Variants in STK32B observed in about 807,000 individuals in gnomAD.
The protein encoded by STK32B is serine/threonine kinase 32B.
STK32B carries 43 observed loss-of-function variants against 52.6 expected under a neutral mutation model. The ratio of observed to expected loss-of-function variants is 0.82; its 90% CI spans 0.64 to 1.05. The LOEUF is 1.05. Ranked by LOEUF, STK32B falls within the 50% of genes least tolerant of loss-of-function variation. The probability of loss-of-function intolerance (pLI) is 0.00; values close to 1 mark genes in which losing one functional copy is unlikely to be tolerated. For synonymous variants in STK32B, 238 were observed against 204.3 expected, an observed-to-expected ratio of 1.17 and a Z score of -1.41; for missense variants, 621 against 534.6, an observed-to-expected ratio of 1.16 and a Z score of -1.59.
chr4:5,452,443 A>G (rs1406858220), intron 7 of STK32B, among the ~76,000 whole-genome samples: 1 of 152,114 alleles, frequency 6.6e-6, no homozygotes, highest in African/African-American at 2.4e-5. Context: ...CTGGGAGGTA[A>G]TGGAGTCTGT....
chr4:5,170,983 T>C (rs1179736141), intron 3 of STK32B, among the ~76,000 whole-genome samples: 1 of 152,230 alleles, frequency 6.6e-6, no homozygotes, highest in African/African-American at 2.4e-5. Flanking sequence ...TTCCTGACTT[T>C]TTAATGATCT....
In STK32B at chr4:5,058,231, T is replaced by G. The variant is rs1742083764; in HGVS notation, c.52+6316T>G. Among the ~76,000 whole-genome samples, 1 of 152,244 alleles carries G rather than the reference T, an allele frequency of 6.6e-6. No homozygotes were observed. Among genetic ancestry groups the G allele is most frequent in the Admixed American group, 6.5e-5 (1 of 15,290 alleles). ...TTTCAACGTGGGAACATTATCACTG[T>G]TCACCAACATCCTGTTCCCCTTTAC... is the stretch of plus-strand genomic sequence containing the variant. On this transcript the variant is annotated intron_variant, in intron 1 of 11. Coordinates refer to ENST00000282908, the MANE Select transcript of STK32B (RefSeq NM_018401.3). The surrounding 1 kb of genome is among the most constrained non-coding windows in gnomAD (Gnocchi z 4.8).
At position 5,335,184 on chromosome 4, in the gene STK32B, C is replaced by T. The variant is rs925180428; in HGVS notation, c.434+3791C>T. 3.9e-4 allele frequency among the ~76,000 whole-genome samples: 59 copies of T among 152,314 alleles called. No homozygotes were observed. In the Middle Eastern group the frequency reaches 0.01, roughly 26 times the overall value. On this transcript the variant is annotated intron_variant, in intron 4 of 11. Coordinates refer to ENST00000282908, the MANE Select transcript of STK32B (RefSeq NM_018401.3). Reference sequence around the variant, plus strand: ...GTTATTGATCTATTCAGAGATTCATCTTCTTCCTGGTTTAGTCTTGGGAGG... The same window carrying T: ...GTTATTGATCTATTCAGAGATTCATTTTCTTCCTGGTTTAGTCTTGGGAGG...
At chr4:5,038,267 C>T in the STK32B span, among the ~76,000 whole-genome samples, 5 of 152,090 alleles carry the variant, frequency 3.3e-5, no homozygotes, top group African/African-American at 9.7e-5. Context: ...GGAAGGATGA[C>T]GATGACAATG....
rs529636853 is a variant in STK32B at position 5,261,102 on chromosome 4, A to G, written c.261-70118A>G. ...TGATAGCTGAAGGCTGTCTCCTCTCAGTACCTCCAGCAGCTGGGGGGCGAG... is the reference window on the plus strand; with the variant it reads ...TGATAGCTGAAGGCTGTCTCCTCTCGGTACCTCCAGCAGCTGGGGGGCGAG... On this transcript the variant is annotated intron_variant, in intron 3 of 11. Coordinates refer to ENST00000282908, the MANE Select transcript of STK32B (RefSeq NM_018401.3). 4.6e-5 allele frequency among the ~76,000 whole-genome samples: 7 copies of G among 152,268 alleles called. No homozygotes were observed. The South Asian group carries it at 1.2e-3, about 27-fold the overall frequency.
intron 1 of STK32B, among the ~76,000 whole-genome samples, chr4:5,133,940 A>T (rs1715920018): frequency 6.6e-6 from 1 of 152,216 alleles, no homozygotes; most frequent in Non-Finnish European, 1.5e-5. Context: ...ACACTGACTC[A>T]AATAGTGGGG....
chr4:5,239,125 G>A (rs1724826412), intron 3 of STK32B, among the ~76,000 whole-genome samples: 1 of 152,164 alleles, frequency 6.6e-6, no homozygotes, highest in African/African-American at 2.4e-5. Context: ...AGAGCGTAGT[G>A]AAGGCTGGTG....
At chr4:5,158,702 G>A (rs1256708230) in intron 2 of STK32B, among the ~76,000 whole-genome samples, 1 of 152,088 alleles carries the variant, frequency 6.6e-6, no homozygotes, top group African/African-American at 2.4e-5. Context: ...GGATTCTTCC[G>A]AGGCCGCTTT....
chr4:5,312,534 G>A (rs921455183), intron 3 of STK32B, among the ~76,000 whole-genome samples: 1 of 151,556 alleles, frequency 6.6e-6, no homozygotes, highest in African/African-American at 2.4e-5. Flanking sequence ...GAGAACATGC[G>A]TGTTTGGTTT....
chr4:5,071,343 C>T (rs1711760112), intron 1 of STK32B, among the ~76,000 whole-genome samples: 1 of 152,088 alleles, frequency 6.6e-6, no homozygotes, highest in Non-Finnish European at 1.5e-5. Context: ...CATTGATGTA[C>T]ATATGAACAC....
chr4:5,031,564 A>G, the STK32B span, among the ~76,000 whole-genome samples: 2 of 151,636 alleles, frequency 1.3e-5, no homozygotes, highest in Admixed American at 1.3e-4. Context: ...ACATCACTGC[A>G]CTCCAGTCTA....
chr4:5,098,314 T>C (rs1410069379), intron 1 of STK32B, among the ~76,000 whole-genome samples: 4 of 152,200 alleles, frequency 2.6e-5, no homozygotes, highest in Non-Finnish European at 5.9e-5. Flanking sequence ...TCTATATGTA[T>C]TATTCATGTA....
intron 2 of STK32B, among the ~76,000 whole-genome samples, chr4:5,149,494 G>A (rs1022861983): frequency 4.0e-5 from 6 of 151,648 alleles, no homozygotes; most frequent in African/African-American, 1.2e-4. Context: ...ATACGTTCCA[G>A]TATTATGTTT....
chr4:5,327,328 T>G (rs1297398048), intron 3 of STK32B, among the ~76,000 whole-genome samples: 1 of 150,170 alleles, frequency 6.7e-6, no homozygotes, highest in Non-Finnish European at 1.5e-5. Context: ...GTATGGCGAA[T>G]CCTTTCCAGA....
At chr4:5,272,288 T>C in intron 3 of STK32B, among the ~76,000 whole-genome samples, 1 of 148,750 alleles carries the variant, frequency 6.7e-6, no homozygotes. Flanking sequence ...TTTGGCTCTG[T>C]TTATATGCTC....
At chr4:5,032,886 C>G in the STK32B span, among the ~76,000 whole-genome samples, 1 of 152,128 alleles carries the variant, frequency 6.6e-6, no homozygotes, top group Admixed American at 6.5e-5. Flanking sequence ...TCAAACCAGA[C>G]AGTTGAACTC....
At chr4:5,492,487 G>A (rs1164396597) in intron 11 of STK32B, among the ~76,000 whole-genome samples, 1 of 151,878 alleles carries the variant, frequency 6.6e-6, no homozygotes, top group Non-Finnish European at 1.5e-5. Flanking sequence ...TGAGACAATG[G>A]GGTTTTCTAG....
chr4:5,381,348 G>A (rs979230468), intron 4 of STK32B, among the ~76,000 whole-genome samples: 2 of 152,212 alleles, frequency 1.3e-5, no homozygotes, highest in African/African-American at 4.8e-5. Flanking sequence ...AAGAGACAGA[G>A]CCAGGCTTAG....
chr4:5,492,815 C>G (rs1342492170), intron 11 of STK32B, among the ~76,000 whole-genome samples: 1 of 151,246 alleles, frequency 6.6e-6, no homozygotes, highest in Non-Finnish European at 1.5e-5. Context: ...AAGGCCTTTT[C>G]TGCATCTGTT....
Sources: gnomAD v4.1 joint callset for allele counts (sites outside exome capture counted in the v4.1 genomes callset) on GRCh38, gnomAD v4.1.1 for gene constraint, Gnocchi (gnomAD v3.1) non-coding constraint, MANE v1.5 for transcripts, NCBI Gene and HGNC (gene_info 2026-07-23, HGNC 2026-07-21) for gene names.